Variants in YIF1B observed in about 807,000 individuals in gnomAD.
YIF1B encodes protein YIF1B.
In YIF1B, 24 loss-of-function variants were observed where a neutral mutation model predicts 34.6. The ratio of observed to expected loss-of-function variants is 0.69; its 90% CI spans 0.50 to 0.98. The LOEUF (loss-of-function observed/expected upper bound fraction) is 0.98. Ranked by LOEUF, YIF1B falls within the 50% of genes least tolerant of loss-of-function variation. The pLI is 0.00. For synonymous variants in YIF1B, 186 were observed against 184.8 expected (o/e 1.01, Z -0.05); for missense variants, 368 against 429.4 (o/e 0.86, Z 1.26).
upstream of YIF1B, chr19:38,319,761 G>A: frequency 3.5e-6 from 2 of 574,580 alleles, no homozygotes; most frequent in East Asian, 3.5e-5. Context: ...GCGGTTGGGC[G>A]TGCCTCAGTT....
chr19:38,312,271 G>A (rs2146310954), intron 1 of YIF1B, among the ~76,000 whole-genome samples: 1 of 152,046 alleles, frequency 6.6e-6, no homozygotes, highest in Non-Finnish European at 1.5e-5. Context: ...ATATAAAATA[G>A]CAGGGCATGG....
upstream of YIF1B, chr19:38,319,881 G>A (rs546869080): frequency 2.3e-5 from 30 of 1,324,600 alleles, no homozygotes; most frequent in African/African-American, 2.3e-4. Context: ...GGAACTAGGT[G>A]CCAGACGGTC....
chr19:38,319,931 G>A (rs879361712), upstream of YIF1B: 26 of 1,398,868 alleles, frequency 1.9e-5, no homozygotes, highest in Admixed American at 7.3e-5. Flanking sequence ...CCCAGGGCTC[G>A]CGGGGTCCCG....
intron 7 of YIF1B, among the ~76,000 whole-genome samples, 196 bp from the exon 8 acceptor site, chr19:38,305,703 C>T (rs1428869771): frequency 6.6e-6 from 1 of 152,178 alleles, no homozygotes; most frequent in East Asian, 1.9e-4. Flanking sequence ...TGAGGATTTG[C>T]TTCTCCCCGG....
chr19:38,308,816 C>T lies in YIF1B; in HGVS notation c.515G>A (p.Gly172Asp). The T allele has an allele frequency of 6.2e-7, 1 of 1,613,946 alleles. No individual in the cohort carries two copies. The highest frequency in any genetic ancestry group is 8.5e-7 in the Non-Finnish European group (1 of 1,179,932). ...CCTATCCTGGGTCCCCAGCGCAAGA[C>T]CAGCCACCAAAACGTAGGTGATGAA... The part of the protein sequence containing the change: ...MAFITYVLVA[G>D]LALGTQDRFS... Residue 172 changes from glycine (G) to aspartate (D), a missense_variant, in exon 5 of 8, where the codon GGT becomes GAT. Physicochemically the swap from Gly to Asp is moderately conservative, Grantham distance 94. This residue lies in a region of YIF1B where 208 missense variants were observed against 247.8 expected (regional missense o/e 0.84). Coordinates refer to ENST00000339413, the MANE Select transcript of YIF1B (RefSeq NM_001039672.3).
chr19:38,320,080 C>A (rs1969630255), upstream of YIF1B: 3 of 1,532,036 alleles, frequency 2.0e-6, no homozygotes, highest in Non-Finnish European at 2.6e-6. Context: ...GGAGACGCTG[C>A]GGGCGCAGCT....
At chr19:38,309,958 A>C (rs1433754326) in intron 1 of YIF1B, 6 of 534,932 alleles carry the variant, frequency 1.1e-5, no homozygotes, top group Non-Finnish European at 7.9e-6. Context: ...CCATCTAACC[A>C]TCCATCCATC....
At chr19:38,319,525 G>T (rs541720386), upstream of YIF1B, among the ~76,000 whole-genome samples, 9 of 152,306 alleles carry the variant, frequency 5.9e-5, no homozygotes, top group South Asian at 1.7e-3. Context: ...CGTCAGCCGC[G>T]CGCCCTGATG....
chr19:38,321,698 T>C (rs1969653680), upstream of YIF1B, among the ~76,000 whole-genome samples: 1 of 152,234 alleles, frequency 6.6e-6, no homozygotes, highest in Non-Finnish European at 1.5e-5. Context: ...AGGGGGCAGC[T>C]TTTGCTTTTG....
upstream of YIF1B, among the ~76,000 whole-genome samples, chr19:38,316,853 A>T (rs1969569228): frequency 6.6e-6 from 1 of 152,034 alleles, no homozygotes; most frequent in South Asian, 2.1e-4. Context: ...TCAAAACAGG[A>T]TCTTGCTATG....
intron 1 of YIF1B, among the ~76,000 whole-genome samples, chr19:38,314,111 C>T (rs371986282): frequency 5.9e-5 from 9 of 151,986 alleles, no homozygotes; most frequent in African/African-American, 2.2e-4. Flanking sequence ...CTGCAACCTC[C>T]GCATCCTGGG....
In YIF1B at chr19:38,305,304, A is replaced by G. The variant is rs1292057453; in HGVS notation, c.*48T>C. The G allele has an allele frequency of 1.9e-6, 3 of 1,579,002 alleles. No homozygotes were observed. The highest frequency in any genetic ancestry group is 2.3e-5 in the East Asian group (1 of 44,240). On this transcript the variant is annotated 3_prime_UTR_variant, in exon 8 of 8. Transcript: ENST00000339413. ...GGCAGGAGATGAGTTCGGCGGCCAC[A>G]GTGGCCCCCAGCAGCAGCAGCAGCA...
chr19:38,309,789 C>T, intron 1 of YIF1B, 146 bp from the exon 2 acceptor site: 5 of 1,437,674 alleles, frequency 3.5e-6, no homozygotes, highest in Non-Finnish European at 9.1e-7. Context: ...GTCAGATGGA[C>T]TGGCAGGTGC....
In YIF1B at chr19:38,304,272, A is replaced by T; in HGVS notation, c.*1080T>A. 2.5e-6 allele frequency: 4 copies of T among 1,613,718 alleles called. No homozygotes were observed. The highest frequency in any genetic ancestry group is 3.4e-6 in the Non-Finnish European group (4 of 1,180,024). ...ACTTCTCTTACCGCCATGGAGTTCG[A>T]CCTGGGAGCAGGTGAGCTCCTGGGG... On this transcript the variant is annotated 3_prime_UTR_variant, in exon 8 of 8. Transcript: ENST00000339413.
At position 38,313,930 on chromosome 19, in the gene YIF1B, T is replaced by C. The variant is rs147101224; in HGVS notation, c.58+1930A>G. Among the ~76,000 whole-genome samples, 130 of 152,382 alleles carry C rather than the reference T, an allele frequency of 8.5e-4. 1 individual carries two copies. The highest frequency in any genetic ancestry group is 3.1e-3 in the African/African-American group (128 of 41,584). On this transcript the variant is annotated intron_variant, in intron 1 of 7. Coordinates refer to ENST00000339413, the MANE Select transcript of YIF1B (RefSeq NM_001039672.3). ...CCTTCTCATAACATGTGGTGCTTTC[T>C]TTTTCTCTTCTGAGCACTCACAATA...
Position 38,309,412 on chromosome 19 carries a change from T to C in YIF1B, c.290A>G (p.Asp97Gly). The change falls in exon 2 of 8, where the codon GAT becomes GGT. Residue 97 changes from aspartate (D) to glycine (G), a missense_variant. By Grantham distance (94) the Asp-to-Gly change is moderately conservative (BLOSUM62 -1). Around this residue, in one of 3 missense-constraint regions of YIF1B, gnomAD observed 153 missense variants for 156.7 expected, o/e 0.98. Transcript: ENST00000339413. Reference protein sequence around the residue: ...SLAAQGKELVDKNIDRFIPIT... With the variant: ...SLAAQGKELVGKNIDRFIPIT... ...CCAGCCCCGCCCACTCACGTTCTTATCCACCAGCTCCTTGCCCTGCGCGGC... is the reference window on the plus strand; with the variant it reads ...CCAGCCCCGCCCACTCACGTTCTTACCCACCAGCTCCTTGCCCTGCGCGGC... The C allele has an allele frequency of 6.2e-7, 1 of 1,612,828 alleles. No individual in the cohort carries two copies. The highest frequency in any genetic ancestry group is 8.5e-7 in the Non-Finnish European group (1 of 1,179,126).
At chr19:38,312,122 A>T (rs1239018147) in intron 1 of YIF1B, among the ~76,000 whole-genome samples, 1 of 148,294 alleles carries the variant, frequency 6.7e-6, no homozygotes, top group African/African-American at 2.5e-5. Context: ...AAACAAAACA[A>T]AACAAAAAAC....
At chr19:38,321,149 C>G (rs1445816915), upstream of YIF1B, among the ~76,000 whole-genome samples, 1 of 152,192 alleles carries the variant, frequency 6.6e-6, no homozygotes, top group Non-Finnish European at 1.5e-5. Flanking sequence ...TTAGCGAGGA[C>G]CCTAAATCTC....
chr19:38,307,352 G>T, intron 7 of YIF1B, 76 bp downstream of exon 7: 1 of 1,495,828 alleles, frequency 6.7e-7, no homozygotes, highest in South Asian at 1.2e-5. Flanking sequence ...CCCCACACCT[G>T]ACATCCTCTG....
Sources: gnomAD v4.1 joint callset for allele counts (sites outside exome capture counted in the v4.1 genomes callset) on GRCh38, gnomAD v4.1.1 for gene constraint, gnomAD v4.1.1 regional missense constraint, MANE v1.5 for transcripts, NCBI Gene and HGNC (gene_info 2026-07-23, HGNC 2026-07-21) for gene names.